WDR89: variants seen among roughly 807,000 people sequenced by gnomAD.
WDR89 encodes the protein WD repeat domain 89.
Under a neutral mutation model 29.1 loss-of-function variants are expected in WDR89, and 17 were observed. The ratio of observed to expected loss-of-function variants is 0.58; its 90% CI spans 0.40 to 0.88. The LOEUF (loss-of-function observed/expected upper bound fraction) is 0.88. Ranked by LOEUF, WDR89 falls within the 40% of genes least tolerant of loss-of-function variation. The probability of loss-of-function intolerance (pLI) is 0.00; values close to 1 mark genes in which losing one functional copy is unlikely to be tolerated. For synonymous variants in WDR89, 138 were observed against 157.8 expected (o/e 0.87, Z 0.94); for missense variants, 396 against 456.3 (o/e 0.87, Z 1.20).
chr14:63,610,012 T>C (rs976409200), intron 2 of WDR89, among the ~76,000 whole-genome samples: 5 of 151,548 alleles, frequency 3.3e-5, no homozygotes, highest in African/African-American at 9.7e-5. Flanking sequence ...CAAAAAGACA[T>C]AGGAGCCAAG....
intron 1 of WDR89, among the ~76,000 whole-genome samples, chr14:63,631,619 T>A (rs1003285915): frequency 1.2e-4 from 19 of 152,098 alleles, no homozygotes; most frequent in African/African-American, 4.1e-4. Context: ...TGAGCTCAAG[T>A]GATTCTCTTG....
At chr14:63,618,776 T>C (rs909050895) in intron 2 of WDR89, among the ~76,000 whole-genome samples, 4 of 152,094 alleles carry the variant, frequency 2.6e-5, no homozygotes, top group African/African-American at 9.7e-5. Context: ...TCTTGAAATG[T>C]CATAATGCTG....
chr14:63,640,750 ACTGGCG>A (rs1056783422), intron 1 of WDR89, among the ~76,000 whole-genome samples: 4 of 148,840 alleles, frequency 2.7e-5, no homozygotes, highest in Admixed American at 2.0e-4. Context: ...TGCTGGGATT[ACTGGCG>A]TGAGCCACCG....
chr14:63,640,927 G>A (rs1190648011), intron 1 of WDR89, among the ~76,000 whole-genome samples: 2 of 149,678 alleles, frequency 1.3e-5, no homozygotes, highest in African/African-American at 2.4e-5. Context: ...GTGAAATCCC[G>A]TCTCTACTAA....
chr14:63,607,926 C>T (rs1024650096), intron 2 of WDR89, among the ~76,000 whole-genome samples: 9 of 151,064 alleles, frequency 6.0e-5, no homozygotes, highest in East Asian at 2.0e-4. Context: ...AACCCCAGGC[C>T]GGGCGCAGCA....
chr14:63,632,837 C>G (rs1883496809), intron 1 of WDR89, among the ~76,000 whole-genome samples: 1 of 152,110 alleles, frequency 6.6e-6, no homozygotes. Context: ...TCTCGGTTAC[C>G]ATGTCAGCCT....
intron 2 of WDR89, among the ~76,000 whole-genome samples, chr14:63,600,400 G>A (rs1051449090): frequency 1.3e-5 from 2 of 152,100 alleles, no homozygotes; most frequent in African/African-American, 2.4e-5. Flanking sequence ...GGAGGCTGAG[G>A]TAGGAGGACT....
intron 1 of WDR89, among the ~76,000 whole-genome samples, chr14:63,638,564 AATTAT>A (rs1883896081): frequency 6.6e-6 from 1 of 152,252 alleles, no homozygotes; most frequent in African/African-American, 2.4e-5. Flanking sequence ...TAAAATTTTA[AATTAT>A]AAGATTAGAA....
intron 2 of WDR89, among the ~76,000 whole-genome samples, chr14:63,608,577 AT>A (rs1300814823): frequency 6.6e-6 from 1 of 152,064 alleles, no homozygotes; most frequent in Non-Finnish European, 1.5e-5. Context: ...TTTCTTATAA[AT>A]ATTAATATTT....
chr14:63,608,666 G>GCACACACACACACACACACACA (rs57605983), intron 2 of WDR89, among the ~76,000 whole-genome samples: 12 of 144,754 alleles, frequency 8.3e-5, no homozygotes, highest in African/African-American at 2.8e-4. Flanking sequence ...TGTGGTGCAT[G>GCACACACACACACACACACACA]CACACACACA....
intron 2 of WDR89, among the ~76,000 whole-genome samples, chr14:63,616,410 C>T (rs1162687501): frequency 6.6e-6 from 1 of 151,966 alleles, no homozygotes; most frequent in Non-Finnish European, 1.5e-5. Context: ...AAATACAGCC[C>T]AATAACTAAT....
intron 2 of WDR89, chr14:63,601,816 A>G: frequency 9.8e-7 from 1 of 1,015,792 alleles, no homozygotes; most frequent in Non-Finnish European, 1.5e-6. Flanking sequence ...GTAAACTGAA[A>G]TAAGTCACTA....
intron 1 of WDR89, chr14:63,641,333 T>A (rs1474436274): frequency 6.6e-6 from 1 of 152,194 alleles, no homozygotes. Flanking sequence ...AATGATATAA[T>A]AGACCAGTTG....
intron 1 of WDR89, among the ~76,000 whole-genome samples, chr14:63,627,790 GA>G (rs1009787243): frequency 3.8e-4 from 55 of 146,138 alleles, no homozygotes; most frequent in East Asian, 1.6e-3. Flanking sequence ...TTCACTGTAT[GA>G]AAAAAAAAAA....
At chr14:63,606,391 C>T (rs1187007968) in intron 2 of WDR89, among the ~76,000 whole-genome samples, 1 of 152,114 alleles carries the variant, frequency 6.6e-6, no homozygotes, top group African/African-American at 2.4e-5. Flanking sequence ...GTGTTTTAAG[C>T]TAAGTATTAT....
chr14:63,616,469 G>A (rs1566794521), intron 2 of WDR89, among the ~76,000 whole-genome samples: 1 of 152,094 alleles, frequency 6.6e-6, no homozygotes, highest in Non-Finnish European at 1.5e-5. Context: ...ACAACATAGG[G>A]TAAGGCAAGA....
At chr14:63,632,912 G>GT (rs1448872544) in intron 1 of WDR89, among the ~76,000 whole-genome samples, 1 of 152,146 alleles carries the variant, frequency 6.6e-6, no homozygotes, top group Non-Finnish European at 1.5e-5. Flanking sequence ...TTATTACAGT[G>GT]TTTTAGATGA....
intron 2 of WDR89, among the ~76,000 whole-genome samples, chr14:63,609,526 C>T (rs1342276659): frequency 3.9e-5 from 6 of 152,140 alleles, no homozygotes; most frequent in African/African-American, 9.7e-5. Context: ...TGGTAGTTCA[C>T]GCCTGTAATC....
intron 2 of WDR89, among the ~76,000 whole-genome samples, chr14:63,614,229 TCTA>T (rs1372833794): frequency 6.6e-6 from 1 of 151,866 alleles, no homozygotes; most frequent in African/African-American, 2.4e-5. Flanking sequence ...ACCTGAAAAA[TCTA>T]CTGGCAGCCA....
Sources: gnomAD v4.1 joint callset for allele counts (sites outside exome capture counted in the v4.1 genomes callset) on GRCh38, gnomAD v4.1.1 for gene constraint, MANE v1.5 for transcripts, NCBI Gene and HGNC (gene_info 2026-07-23, HGNC 2026-07-21) for gene names.